Variants in CAMTA1 observed in about 807,000 individuals in gnomAD.
CAMTA1 encodes calmodulin-binding transcription activator 1.
In CAMTA1, 27 loss-of-function variants were observed where a neutral mutation model predicts 170.9. That is an observed-to-expected ratio of 0.16 (90% CI 0.12 to 0.22). The LOEUF (loss-of-function observed/expected upper bound fraction) is 0.22, where lower values mean the gene tolerates loss of function less well. CAMTA1 is among the 10% of genes least tolerant of loss of function. The pLI is 1.00. For synonymous variants in CAMTA1, 833 were observed against 891.5 expected (o/e 0.93, Z 1.17); for missense variants, 1,619 against 2,217.2 (o/e 0.73, Z 5.42).
At chr1:7,737,739 A>G (rs557583929) in intron 15 of CAMTA1, among the ~76,000 whole-genome samples, 169 bp downstream of exon 15, 5 of 152,304 alleles carry the variant, frequency 3.3e-5, no homozygotes, top group Admixed American at 1.3e-4. Flanking sequence ...CCCAGTACAG[A>G]AGAAAGTAGC....
At chr1:7,624,639 C>A (rs1207601520) in intron 6 of CAMTA1, among the ~76,000 whole-genome samples, 1 of 152,180 alleles carries the variant, frequency 6.6e-6, no homozygotes, top group South Asian at 2.1e-4. Flanking sequence ...GTGACCGATC[C>A]AGGATGAGTG....
chr1:6,802,394 TC>T (rs1349551117), intron 1 of CAMTA1, among the ~76,000 whole-genome samples: 2 of 152,140 alleles, frequency 1.3e-5, no homozygotes, highest in Non-Finnish European at 2.9e-5. Context: ...GGCCAGGTGA[TC>T]ATCTCACTCT....
intron 6 of CAMTA1, among the ~76,000 whole-genome samples, chr1:7,471,603 G>T (rs2093331334): frequency 6.6e-6 from 1 of 152,254 alleles, no homozygotes; most frequent in Non-Finnish European, 1.5e-5. Flanking sequence ...CGAGAGCAGG[G>T]CCAGGCCCAG....
At chr1:7,724,655 A>G (rs1296717633) in intron 11 of CAMTA1, among the ~76,000 whole-genome samples, 4 of 151,736 alleles carry the variant, frequency 2.6e-5, no homozygotes, top group Non-Finnish European at 5.9e-5. Context: ...ACATGGTGAA[A>G]CTCCATCAAT....
intron 6 of CAMTA1, among the ~76,000 whole-genome samples, chr1:7,512,395 G>A (rs1185412453): frequency 6.6e-6 from 1 of 152,212 alleles, no homozygotes; most frequent in Non-Finnish European, 1.5e-5. Context: ...TCAAATGGTG[G>A]GGCAAGGGTA....
chr1:7,270,266 CACACACACAT>C (rs1365580810), intron 5 of CAMTA1, among the ~76,000 whole-genome samples: 4 of 36,278 alleles, frequency 1.1e-4, no homozygotes, highest in South Asian at 8.2e-4. Context: ...CACACACACA[CACACACACAT>C]ATATATATAT....
intron 3 of CAMTA1, among the ~76,000 whole-genome samples, chr1:6,859,579 A>G (rs1663858269): frequency 6.6e-6 from 1 of 152,190 alleles, no homozygotes; most frequent in Non-Finnish European, 1.5e-5. Context: ...ACTTGAGCCC[A>G]GGAGTTCAAG....
intron 5 of CAMTA1, among the ~76,000 whole-genome samples, chr1:7,310,602 T>C (rs961377114): frequency 1.6e-4 from 1 of 6,064 alleles, no homozygotes; most frequent in African/African-American, 9.1e-4. Context: ...TTCTTTTCTT[T>C]TCTTTCTTTC....
chr1:7,395,541 G>T (rs1369524437), intron 5 of CAMTA1, among the ~76,000 whole-genome samples: 5 of 152,106 alleles, frequency 3.3e-5, no homozygotes. Context: ...ACTCAAAATT[G>T]ATTTCACTAT....
chr1:7,714,709 A>G (rs558263628), intron 11 of CAMTA1, among the ~76,000 whole-genome samples: 5 of 152,238 alleles, frequency 3.3e-5, no homozygotes, highest in Non-Finnish European at 7.4e-5. Flanking sequence ...TTTAGCAGAG[A>G]CGGAGTTTCA....
intron 5 of CAMTA1, among the ~76,000 whole-genome samples, chr1:7,313,798 G>C (rs1677093775): frequency 6.6e-6 from 1 of 152,114 alleles, no homozygotes; most frequent in Non-Finnish European, 1.5e-5. Flanking sequence ...GAAGTACGTA[G>C]GGAGACAGAC....
chr1:7,635,992 G>A lies in CAMTA1; in HGVS notation c.511-4408G>A, dbSNP rs574137506. On this transcript the variant is annotated intron_variant, in intron 6 of 22. Transcript: ENST00000303635. The surrounding 1 kb of genome is among the most constrained non-coding windows in gnomAD (Gnocchi z 4.4). ...TCAACTCTGGGCATTCCAGGTGCAA[G>A]AGCTCCAGGCCCTGGGATGGAAACC... 1.2e-4 allele frequency among the ~76,000 whole-genome samples: 19 copies of A among 152,286 alleles called. No homozygotes were observed. The highest frequency in any genetic ancestry group is 4.3e-4 in the African/African-American group (18 of 41,570).
At chr1:7,103,765 C>T (rs1643139900) in intron 4 of CAMTA1, among the ~76,000 whole-genome samples, 2 of 151,806 alleles carry the variant, frequency 1.3e-5, no homozygotes, top group South Asian at 2.1e-4. Context: ...CACACATGCA[C>T]ACACAACACA....
At position 6,970,809 on chromosome 1, in the gene CAMTA1, CA is replaced by C. The variant is rs371808066; in HGVS notation, c.235-120494del. Among the ~76,000 whole-genome samples, 32 of 152,296 alleles carry C rather than the reference CA, an allele frequency of 2.1e-4. No homozygotes were observed. In the East Asian group the frequency reaches 5.6e-3, roughly 27 times the overall value. Reference sequence around the variant, plus strand: ...AAAAGGAGACAGATGGAGAACAGAACAGACCCAACAACCTCAGGAGAATGAA... The same window carrying C: ...AAAAGGAGACAGATGGAGAACAGAACGACCCAACAACCTCAGGAGAATGAA... On this transcript the variant is annotated intron_variant, in intron 3 of 22. Coordinates refer to ENST00000303635, the MANE Select transcript of CAMTA1 (RefSeq NM_015215.4). The surrounding 1 kb of genome is among the most constrained non-coding windows in gnomAD (Gnocchi z 4.4).
intron 22 of CAMTA1, among the ~76,000 whole-genome samples, chr1:7,758,839 G>A (rs1343623965): frequency 6.6e-6 from 1 of 151,438 alleles, no homozygotes; most frequent in Non-Finnish European, 1.5e-5. Flanking sequence ...GGAGGCTGAG[G>A]CAGGAGAATG....
chr1:7,717,384 C>T (rs2096618433), intron 11 of CAMTA1, among the ~76,000 whole-genome samples: 2 of 152,094 alleles, frequency 1.3e-5, no homozygotes, highest in South Asian at 4.1e-4. Context: ...TTTAATCTTT[C>T]CACAACGTTC....
chr1:7,553,008 A>G (rs2094823934), intron 6 of CAMTA1, among the ~76,000 whole-genome samples: 1 of 152,218 alleles, frequency 6.6e-6, no homozygotes, highest in Non-Finnish European at 1.5e-5. Context: ...GAGCTGCAAT[A>G]GGAACAGCCG....
In CAMTA1 at chr1:7,733,326, C is replaced by G. The variant is rs750598392; in HGVS notation, c.3066+727C>G. Among the ~76,000 whole-genome samples, 65 of 152,274 alleles carry G rather than the reference C, an allele frequency of 4.3e-4. 1 individual carries two copies. Among genetic ancestry groups the G allele is most frequent in the Non-Finnish European group, 3.4e-4 (23 of 68,016 alleles). ...CCCTATCTTAAGTGTAGGTATAAAA[C>G]ATAATTGAATTCAGTAATTCATAAG... On this transcript the variant is annotated intron_variant, in intron 12 of 22. Coordinates refer to ENST00000303635, the MANE Select transcript of CAMTA1 (RefSeq NM_015215.4).
At chr1:7,226,443 C>T (rs1313834946) in intron 4 of CAMTA1, among the ~76,000 whole-genome samples, 1 of 152,148 alleles carries the variant, frequency 6.6e-6, no homozygotes, top group East Asian at 1.9e-4. Context: ...CCTTTAATTT[C>T]ATTTAAATTA....
Sources: allele counts gnomAD v4.1 joint callset (sites outside exome capture counted in the v4.1 genomes callset), GRCh38; gene constraint gnomAD v4.1.1; non-coding constraint Gnocchi (gnomAD v3.1); transcripts MANE v1.5; gene names NCBI Gene and HGNC (gene_info 2026-07-23, HGNC 2026-07-21).